The following BCAS3 variants were observed in gnomAD, a reference collection of about 807,000 sequenced individuals.
BCAS3 encodes the protein BCAS3 microtubule associated cell migration factor, also known as BCAS4/BCAS3 fusion.
In BCAS3, 53 loss-of-function variants were observed where a neutral mutation model predicts 116.1. The observed-to-expected ratio is 0.46, with a 90% CI of 0.37 to 0.57. The LOEUF (loss-of-function observed/expected upper bound fraction) is 0.57, where lower values mean the gene tolerates loss of function less well. BCAS3 is among the 20% of genes least tolerant of loss of function. The pLI is 0.00. For missense variants in BCAS3, 917 were observed against 1,165.4 expected, an observed-to-expected ratio of 0.79 and a Z score of 3.10; for synonymous variants, 391 against 408.2, an observed-to-expected ratio of 0.96 and a Z score of 0.51.
chr17:60,887,485 C>T (rs960927554), intron 9 of BCAS3: 4 of 152,338 alleles, frequency 2.6e-5, no homozygotes, highest in African/African-American at 9.7e-5. Context: ...AATTGTTTAA[C>T]TTTTATATTT....
At chr17:61,061,569 T>C (rs899384303) in intron 19 of BCAS3, among the ~76,000 whole-genome samples, 1 of 152,226 alleles carries the variant, frequency 6.6e-6, no homozygotes, top group Non-Finnish European at 1.5e-5. Flanking sequence ...TGCACACAAT[T>C]TAATGACCAA....
At chr17:61,232,136 C>A (rs1330546486) in intron 22 of BCAS3, among the ~76,000 whole-genome samples, 2 of 127,488 alleles carry the variant, frequency 1.6e-5, no homozygotes, top group East Asian at 5.0e-4. Context: ...ACCCGGAAGG[C>A]AGAGCTTGCA....
chr17:61,057,488 G>A (rs560280012), intron 19 of BCAS3, among the ~76,000 whole-genome samples: 3 of 152,176 alleles, frequency 2.0e-5, no homozygotes, highest in South Asian at 4.1e-4. Context: ...TGCCTTCTAC[G>A]CCTCAGGTTT....
intron 14 of BCAS3, among the ~76,000 whole-genome samples, chr17:60,976,020 C>CTTGTTTTTTTTTTTTTTTTTTTTTTTTTT (rs2062325660): frequency 1.0e-5 from 1 of 98,286 alleles, no homozygotes; most frequent in Non-Finnish European, 1.8e-5. Flanking sequence ...TAGATTTTTG[C>CTTGTTTTTTTTTTTTTTTTTTTTTTTTTT]TTTTTTTTTT....
rs918047034 is a variant in BCAS3, at chr17:60,804,760, A to G, written c.404-3244A>G. Among the ~76,000 whole-genome samples the G allele has an allele frequency of 2.0e-5, 3 of 152,026 alleles. No individual in the cohort carries two copies. The South Asian group carries it at 6.2e-4, about 32-fold the overall frequency. ...GTAGGGTGAACTTGGATTAAGGGGT[A>G]TTTGTATTTCAATTTTGATTAATGT... On this transcript the variant is annotated intron_variant, in intron 6 of 23. Coordinates refer to ENST00000407086, the MANE Select transcript of BCAS3 (RefSeq NM_017679.5).
chr17:60,928,341 A>T (rs2059468944), intron 13 of BCAS3, among the ~76,000 whole-genome samples: 1 of 152,188 alleles, frequency 6.6e-6, no homozygotes, highest in Non-Finnish European at 1.5e-5. Context: ...TGGCACCATA[A>T]ATATTATTTG....
At chr17:60,698,119 C>A (rs1021877997) in intron 4 of BCAS3, among the ~76,000 whole-genome samples, 1 of 140,650 alleles carries the variant, frequency 7.1e-6, no homozygotes, top group Admixed American at 7.8e-5. Context: ...GCAGAGCTTG[C>A]AGTGAGCTGA....
chr17:61,011,366 AT>A (rs1162560671), intron 15 of BCAS3, among the ~76,000 whole-genome samples: 8 of 152,194 alleles, frequency 5.3e-5, no homozygotes, highest in Non-Finnish European at 7.4e-5. Context: ...TTAATGAAGA[AT>A]TCTGGCTTGA....
chr17:61,371,708 A>G (rs925224406), intron 23 of BCAS3, among the ~76,000 whole-genome samples: 1 of 152,196 alleles, frequency 6.6e-6, no homozygotes, highest in Non-Finnish European at 1.5e-5. Flanking sequence ...TTATTTGTCA[A>G]TTAAAAAATA....
At chr17:60,745,416 A>G (rs2041941978) in intron 5 of BCAS3, among the ~76,000 whole-genome samples, 1 of 152,050 alleles carries the variant, frequency 6.6e-6, no homozygotes, top group Non-Finnish European at 1.5e-5. Flanking sequence ...AGCCAATAAC[A>G]CATCTGTAAT....
rs2067442401 is a variant in BCAS3 at position 61,040,793 on chromosome 17, AC to A, written c.1934del (p.Pro645LeufsTer51). On this transcript the variant is annotated frameshift_variant and splice_region_variant, in exon 19 of 24. Transcript: ENST00000407086. LOFTEE classifies it high-confidence loss of function. ...SPRASWTLVR[T>X]PQWNELQPPF... The stretch of plus-strand genomic sequence containing the variant: ...AATATTCTTCTCCTGTTTCCTTAGA[AC>A]CCCTCAATGGAATGAATTGCAGCCA... 1 of 1,611,886 alleles carries A rather than the reference AC, an allele frequency of 6.2e-7. No individual in the cohort carries two copies. The highest frequency in any genetic ancestry group is 1.3e-5 in the African/African-American group (1 of 74,700).
intron 5 of BCAS3, among the ~76,000 whole-genome samples, chr17:60,734,001 T>A (rs1009780018): frequency 6.6e-6 from 1 of 152,234 alleles, no homozygotes; most frequent in Non-Finnish European, 1.5e-5. Flanking sequence ...GTAGAAGTTT[T>A]AAATTTTAAC....
intron 4 of BCAS3, among the ~76,000 whole-genome samples, chr17:60,694,728 G>C (rs543281844): frequency 1.3e-5 from 2 of 151,230 alleles, no homozygotes; most frequent in Non-Finnish European, 2.9e-5. Context: ...CTCCCACCTC[G>C]GTGTCCCAAA....
In BCAS3 at chr17:61,140,624, GC is replaced by G. The variant is rs1052350255; in HGVS notation, c.2425+56062del. ...TGGAGAAACAGCACTCTGGCATTTG[GC>G]CATCTTAGTATGGCCTTTATATAAC... On this transcript the variant is annotated intron_variant, in intron 22 of 23. Coordinates refer to ENST00000407086, the MANE Select transcript of BCAS3 (RefSeq NM_017679.5). This position sits in a 1 kb window ranked among gnomAD's most constrained non-coding sequence, Gnocchi z 4.2. 6.6e-6 allele frequency among the ~76,000 whole-genome samples: 1 copy of G among 151,440 alleles called. No homozygotes were observed. Among genetic ancestry groups the G allele is most frequent in the African/African-American group, 2.4e-5 (1 of 41,170 alleles).
chr17:61,177,328 G>A (rs1277035040), intron 22 of BCAS3, among the ~76,000 whole-genome samples: 1 of 152,184 alleles, frequency 6.6e-6, no homozygotes, highest in African/African-American at 2.4e-5. Context: ...CAGGTAAATG[G>A]AGAAACGAAT....
chr17:60,800,323 A>G (rs543216505), intron 6 of BCAS3, among the ~76,000 whole-genome samples: 2 of 152,212 alleles, frequency 1.3e-5, no homozygotes, highest in South Asian at 4.1e-4. Flanking sequence ...GTATGTAGTG[A>G]TGTCTCACTG....
chr17:61,159,677 G>C (rs529303842), intron 22 of BCAS3, among the ~76,000 whole-genome samples: 1 of 152,208 alleles, frequency 6.6e-6, no homozygotes, highest in East Asian at 1.9e-4. Flanking sequence ...TGGAGAGGCA[G>C]ACCCTTTGTC....
rs1433742001 is a variant in BCAS3 at position 61,122,189 on chromosome 17, C to T, written c.2425+37625C>T. Among the ~76,000 whole-genome samples the T allele has an allele frequency of 1.3e-5, 2 of 152,204 alleles. No homozygotes were observed. The highest frequency in any genetic ancestry group is 2.9e-5 in the Non-Finnish European group (2 of 68,040). On this transcript the variant is annotated intron_variant, in intron 22 of 23. Coordinates refer to ENST00000407086, the MANE Select transcript of BCAS3 (RefSeq NM_017679.5). The surrounding 1 kb of genome is among the most constrained non-coding windows in gnomAD (Gnocchi z 4.6). ...AATCACAACTAAAATCATACACATG[C>T]ATCTTCCAGTGACGCATTTGAAATG... is the stretch of plus-strand genomic sequence containing the variant.
intron 7 of BCAS3, among the ~76,000 whole-genome samples, chr17:60,834,835 C>A (rs530640736): frequency 6.6e-6 from 1 of 151,874 alleles, no homozygotes; most frequent in South Asian, 2.1e-4. Context: ...AAATAAATCC[C>A]GGCAACATCT....
Sources: allele counts gnomAD v4.1 joint callset (sites outside exome capture counted in the v4.1 genomes callset), GRCh38; gene constraint gnomAD v4.1.1; non-coding constraint Gnocchi (gnomAD v3.1); transcripts MANE v1.5; gene names NCBI Gene and HGNC (gene_info 2026-07-23, HGNC 2026-07-21).